Variants in KCNIP4 observed in about 807,000 individuals in gnomAD.
KCNIP4 encodes Kv channel-interacting protein 4.
KCNIP4 carries 12 observed loss-of-function variants against 34.0 expected under a neutral mutation model. The ratio of observed to expected loss-of-function variants is 0.35; its 90% CI spans 0.23 to 0.57. The LOEUF (loss-of-function observed/expected upper bound fraction) is 0.57, where lower values mean the gene tolerates loss of function less well. KCNIP4 is among the 20% of genes least tolerant of loss of function. KCNIP4 has a pLI of 0.83. For synonymous variants in KCNIP4, 124 were observed against 102.2 expected (o/e 1.21, Z -1.29); for missense variants, 238 against 311.7 (o/e 0.76, Z 1.78).
chr4:20,996,188 C>T (rs763752682), intron 1 of KCNIP4, among the ~76,000 whole-genome samples: 4 of 152,222 alleles, frequency 2.6e-5, no homozygotes, highest in Non-Finnish European at 5.9e-5. Flanking sequence ...TTCTCACTAA[C>T]CCTGCTAACA....
At chr4:20,821,823 A>G (rs1005171472) in intron 3 of KCNIP4, among the ~76,000 whole-genome samples, 2 of 152,050 alleles carry the variant, frequency 1.3e-5, no homozygotes, top group African/African-American at 2.4e-5. Context: ...ATTCCATTTT[A>G]GGGCTGAGTA....
At chr4:21,630,465 A>G (rs1045045095) in intron 1 of KCNIP4, among the ~76,000 whole-genome samples, 40 of 152,118 alleles carry the variant, frequency 2.6e-4, no homozygotes, top group African/African-American at 8.7e-4. Flanking sequence ...CAAAAAAAAA[A>G]AAAAGAAAAA....
intron 1 of KCNIP4, among the ~76,000 whole-genome samples, chr4:21,407,680 A>G (rs1326522745): frequency 6.6e-6 from 1 of 152,224 alleles, no homozygotes; most frequent in East Asian, 1.9e-4. Flanking sequence ...TAACTAATAC[A>G]CTATTGCACA....
At chr4:21,137,728 A>G (rs1751608601) in intron 1 of KCNIP4, among the ~76,000 whole-genome samples, 1 of 152,196 alleles carries the variant, frequency 6.6e-6, no homozygotes, top group South Asian at 2.1e-4. Context: ...CTAGCATTTT[A>G]ATGAAAAAAG....
At chr4:21,606,463 A>G (rs1743681865) in intron 1 of KCNIP4, among the ~76,000 whole-genome samples, 1 of 152,320 alleles carries the variant, frequency 6.6e-6, no homozygotes, top group East Asian at 1.9e-4. Flanking sequence ...ATTACCTTTT[A>G]GCTCTAGAGG....
intron 1 of KCNIP4, among the ~76,000 whole-genome samples, chr4:21,880,437 G>T (rs1312071406): frequency 6.6e-6 from 1 of 151,928 alleles, no homozygotes; most frequent in Non-Finnish European, 1.5e-5. Flanking sequence ...CTCCCATATT[G>T]GTACCTATTC....
At chr4:20,750,455 T>TAG (rs1753412189) in intron 4 of KCNIP4, among the ~76,000 whole-genome samples, 1 of 152,150 alleles carries the variant, frequency 6.6e-6, no homozygotes, top group Non-Finnish European at 1.5e-5. Flanking sequence ...GAGCCCCTAC[T>TAG]CTGTCTGGGT....
intron 1 of KCNIP4, among the ~76,000 whole-genome samples, chr4:21,252,137 T>TC (rs1156837470): frequency 6.7e-6 from 1 of 150,158 alleles, no homozygotes; most frequent in Non-Finnish European, 1.5e-5. Flanking sequence ...TTGTTTTTTT[T>TC]TTTTTTTTTG....
Position 20,807,578 on chromosome 4 carries a change from CT to C in KCNIP4, c.288+42964del, listed in dbSNP as rs1454598073. On this transcript the variant is annotated intron_variant, in intron 3 of 8. Transcript: ENST00000382152. ...TATCTGGCCCTTTAAAAGAAAAAGG[CT>C]GCTGATCCCTGTCCTAGAATATACT... 2.6e-5 allele frequency among the ~76,000 whole-genome samples: 4 copies of C among 152,032 alleles called. No homozygotes were observed. The South Asian group carries it at 6.2e-4, about 24-fold the overall frequency.
At chr4:21,548,887 T>C (rs1363673624) in intron 1 of KCNIP4, among the ~76,000 whole-genome samples, 1 of 152,026 alleles carries the variant, frequency 6.6e-6, no homozygotes, top group Non-Finnish European at 1.5e-5. Flanking sequence ...ATTTTTTCCA[T>C]ACAGAGCAGG....
At chr4:21,313,480 A>G (rs570038605) in intron 1 of KCNIP4, among the ~76,000 whole-genome samples, 27 of 152,366 alleles carry the variant, frequency 1.8e-4, no homozygotes, top group South Asian at 4.1e-4. Flanking sequence ...CTAACTACTC[A>G]CTTGTTATTA....
chr4:21,754,368 C>T (rs1717367339), intron 1 of KCNIP4, among the ~76,000 whole-genome samples: 1 of 152,144 alleles, frequency 6.6e-6, no homozygotes, highest in Non-Finnish European at 1.5e-5. Flanking sequence ...TTTTTCCTTG[C>T]TAGAATATAA....
intron 5 of KCNIP4, among the ~76,000 whole-genome samples, chr4:20,743,870 A>C (rs1751769092): frequency 6.6e-6 from 1 of 152,082 alleles, no homozygotes; most frequent in Admixed American, 6.6e-5. Flanking sequence ...CAACCTACTC[A>C]TCTGACAAAG....
intron 1 of KCNIP4, among the ~76,000 whole-genome samples, chr4:21,015,000 A>C (rs1739375437): frequency 6.6e-6 from 1 of 152,186 alleles, no homozygotes; most frequent in African/African-American, 2.4e-5. Context: ...TGCTAAGTGA[A>C]ATAAGCCAGA....
intron 1 of KCNIP4, among the ~76,000 whole-genome samples, chr4:21,646,241 A>C (rs1747005907): frequency 6.6e-6 from 1 of 152,158 alleles, no homozygotes; most frequent in African/African-American, 2.4e-5. Context: ...TATTGCTCCC[A>C]GTGAACTGAT....
chr4:21,487,885 C>T (rs1182929666), intron 1 of KCNIP4, among the ~76,000 whole-genome samples: 3 of 151,980 alleles, frequency 2.0e-5, no homozygotes, highest in Admixed American at 2.0e-4. Context: ...TTAACACTTC[C>T]TTACTTTTTG....
chr4:20,785,431 C>T (rs981279797), intron 3 of KCNIP4, among the ~76,000 whole-genome samples: 1 of 151,016 alleles, frequency 6.6e-6, no homozygotes, highest in African/African-American at 2.4e-5. Context: ...GCAGATACCA[C>T]TTAGGAAGCT....
At chr4:21,080,900 GA>G (rs1409598159) in intron 1 of KCNIP4, among the ~76,000 whole-genome samples, 3 of 151,726 alleles carry the variant, frequency 2.0e-5, no homozygotes, top group African/African-American at 7.3e-5. Flanking sequence ...TAATAAAACA[GA>G]AGAATGAATA....
At chr4:21,658,789 G>C (rs965674186) in intron 1 of KCNIP4, among the ~76,000 whole-genome samples, 2 of 152,158 alleles carry the variant, frequency 1.3e-5, no homozygotes, top group Non-Finnish European at 2.9e-5. Context: ...CATCATTGAG[G>C]ATCACAGGCC....
Sources: allele counts gnomAD v4.1 joint callset (sites outside exome capture counted in the v4.1 genomes callset), GRCh38; gene constraint gnomAD v4.1.1; transcripts MANE v1.5; gene names NCBI Gene and HGNC (gene_info 2026-07-23, HGNC 2026-07-21).